Variants in BANK1 observed in about 807,000 individuals in gnomAD.
BANK1 encodes the protein B-cell scaffold protein with ankyrin repeats.
A neutral mutation model predicts 94.5 loss-of-function variants in BANK1; 95 were observed. The observed-to-expected ratio is 1.00, with a 90% CI of 0.85 to 1.19. The LOEUF is 1.19. Ranked by LOEUF, BANK1 falls within the 50% of genes most tolerant of loss-of-function variation. The probability of loss-of-function intolerance (pLI) is 0.00; values close to 1 mark genes in which losing one functional copy is unlikely to be tolerated. For missense variants in BANK1, 987 were observed against 932.2 expected, an observed-to-expected ratio of 1.06 and a Z score of -0.77; for synonymous variants, 334 against 308.4, an observed-to-expected ratio of 1.08 and a Z score of -0.87.
At chr4:102,024,413 T>C (rs1339875229) in intron 8 of BANK1, among the ~76,000 whole-genome samples, 1 of 152,132 alleles carries the variant, frequency 6.6e-6, no homozygotes, top group African/African-American at 2.4e-5. Flanking sequence ...AAGTTTTTTC[T>C]GAAGATTTAA....
At chr4:101,931,759 T>C (rs1723353025) in intron 7 of BANK1, among the ~76,000 whole-genome samples, 1 of 151,506 alleles carries the variant, frequency 6.6e-6, no homozygotes, top group Admixed American at 6.6e-5. Context: ...AATGCTAGTT[T>C]AATCATATCG....
At chr4:101,878,471 A>T (rs1357157452) in intron 5 of BANK1, among the ~76,000 whole-genome samples, 1 of 152,208 alleles carries the variant, frequency 6.6e-6, no homozygotes, top group Non-Finnish European at 1.5e-5. Context: ...ATATTACTAG[A>T]CCTAAGGAGA....
At chr4:101,905,131 C>T (rs1046541076) in intron 6 of BANK1, among the ~76,000 whole-genome samples, 2 of 152,208 alleles carry the variant, frequency 1.3e-5, no homozygotes, top group Non-Finnish European at 2.9e-5. Context: ...GAAGTAGATA[C>T]AACAATTTGA....
intron 10 of BANK1, among the ~76,000 whole-genome samples, chr4:102,040,586 T>G (rs940237446): frequency 2.6e-5 from 4 of 152,082 alleles, no homozygotes; most frequent in African/African-American, 9.7e-5. Flanking sequence ...GTAAATTTTT[T>G]AAGAATTCAA....
intron 7 of BANK1, among the ~76,000 whole-genome samples, chr4:102,013,601 C>T (rs1253283796): frequency 6.6e-6 from 1 of 152,008 alleles, no homozygotes; most frequent in African/African-American, 2.4e-5. Flanking sequence ...AAATGGTCCA[C>T]TATTGACCCA....
At chr4:101,822,146 G>A (rs1726177688) in intron 1 of BANK1, among the ~76,000 whole-genome samples, 2 of 152,070 alleles carry the variant, frequency 1.3e-5, no homozygotes, top group South Asian at 4.1e-4. Context: ...CTTGAGCCCA[G>A]CAGTTTGAGA....
intron 7 of BANK1, among the ~76,000 whole-genome samples, chr4:101,951,111 C>T (rs1286407252): frequency 6.6e-6 from 1 of 152,030 alleles, no homozygotes; most frequent in Non-Finnish European, 1.5e-5. Flanking sequence ...TGTTAGTTAA[C>T]AGTAATGTAT....
At chr4:102,016,202 T>C (rs1726693701) in intron 7 of BANK1, among the ~76,000 whole-genome samples, 1 of 152,230 alleles carries the variant, frequency 6.6e-6, no homozygotes, top group Admixed American at 6.5e-5. Context: ...TTCTATCTTA[T>C]AGTATTTTGC....
chr4:101,891,562 T>C (rs780738799), intron 5 of BANK1, among the ~76,000 whole-genome samples: 1 of 152,046 alleles, frequency 6.6e-6, no homozygotes, highest in Non-Finnish European at 1.5e-5. Flanking sequence ...ATTATTTCCT[T>C]GTGTGCTTTT....
intron 12 of BANK1, 22 bp downstream of exon 12, chr4:102,060,411 C>A (rs1728379984): frequency 6.3e-7 from 1 of 1,583,792 alleles, no homozygotes; most frequent in Non-Finnish European, 8.6e-7. Flanking sequence ...CCAGTGTTTT[C>A]TGGGACATTC....
intron 1 of BANK1, among the ~76,000 whole-genome samples, chr4:101,795,177 C>G (rs1560577022): frequency 6.6e-6 from 1 of 152,018 alleles, no homozygotes; most frequent in Non-Finnish European, 1.5e-5. Context: ...AATATAGTGT[C>G]AAGACCACTT....
At chr4:101,889,491 G>A (rs553110788) in intron 5 of BANK1, among the ~76,000 whole-genome samples, 7 of 150,634 alleles carry the variant, frequency 4.6e-5, no homozygotes, top group African/African-American at 9.8e-5. Context: ...CCAGCTACTC[G>A]GGAGGCTGAG....
intron 7 of BANK1, among the ~76,000 whole-genome samples, chr4:102,019,716 G>C (rs1726825789): frequency 1.3e-5 from 2 of 151,994 alleles, no homozygotes; most frequent in South Asian, 4.1e-4. Context: ...TATTAGATCT[G>C]GCATGTTTTT....
intron 9 of BANK1, among the ~76,000 whole-genome samples, chr4:102,028,939 C>T (rs896930217): frequency 6.6e-6 from 1 of 151,458 alleles, no homozygotes; most frequent in Admixed American, 6.6e-5. Flanking sequence ...TTTTGAGGCA[C>T]GATCTTGCTC....
intron 7 of BANK1, among the ~76,000 whole-genome samples, chr4:102,010,391 CTTTTT>C (rs1209533993): frequency 3.1e-5 from 4 of 130,454 alleles, no homozygotes; most frequent in Non-Finnish European, 5.0e-5. Flanking sequence ...TGATTAATTT[CTTTTT>C]TTTTTTTTTT....
At chr4:101,985,792 A>G (rs1278722981) in intron 7 of BANK1, among the ~76,000 whole-genome samples, 2 of 152,134 alleles carry the variant, frequency 1.3e-5, no homozygotes, top group Non-Finnish European at 2.9e-5. Flanking sequence ...TAGATTTCCA[A>G]TGTCAGATTT....
At chr4:101,899,940 G>T (rs1282102636) in intron 6 of BANK1, among the ~76,000 whole-genome samples, 1 of 152,166 alleles carries the variant, frequency 6.6e-6, no homozygotes, top group Admixed American at 6.5e-5. Flanking sequence ...CCAGCTTTAA[G>T]GAATAAGCAT....
chr4:101,921,905 A>T (rs1268307301), intron 7 of BANK1, among the ~76,000 whole-genome samples: 1 of 151,710 alleles, frequency 6.6e-6, no homozygotes. Context: ...AGTACTCCTG[A>T]TTGGGAATCT....
intron 10 of BANK1, among the ~76,000 whole-genome samples, chr4:102,041,769 G>A (rs1170679446): frequency 1.3e-5 from 2 of 151,910 alleles, no homozygotes; most frequent in African/African-American, 2.4e-5. Flanking sequence ...GTGAAATCGC[G>A]ACAATAAATA....
Sources: allele counts gnomAD v4.1 joint callset (sites outside exome capture counted in the v4.1 genomes callset), GRCh38; gene constraint gnomAD v4.1.1; transcripts MANE v1.5; gene names NCBI Gene and HGNC (gene_info 2026-07-23, HGNC 2026-07-21).